DNAH17: variants seen among roughly 807,000 people sequenced by gnomAD.
DNAH17 encodes the protein axonemal beta dynein heavy chain 17.
A neutral mutation model predicts 485.6 loss-of-function variants in DNAH17; 376 were observed. The observed-to-expected ratio is 0.77, with a 90% CI of 0.71 to 0.84. The LOEUF (loss-of-function observed/expected upper bound fraction) is 0.84. Among genes scored for constraint, DNAH17 ranks in the 40% least tolerant of loss-of-function variants. The pLI is 0.00. For missense variants in DNAH17, 6,370 were observed against 5,839.3 expected (o/e 1.09, Z -2.96); for synonymous variants, 3,031 against 2,405.9 (o/e 1.26, Z -7.60).
chr17:78,455,860 A>C, intron 62 of DNAH17, 24 bp from the exon 63 acceptor site: 1 of 1,557,454 alleles, frequency 6.4e-7, no homozygotes, highest in East Asian at 2.3e-5. Flanking sequence ...AGAGAGAATA[A>C]AACATATTTG....
chr17:78,494,347 C>T (rs189779084), intron 40 of DNAH17, 174 bp from the exon 41 acceptor site: 666 of 1,107,330 alleles, frequency 6.0e-4, no homozygotes, highest in Non-Finnish European at 7.4e-4. Context: ...ATAGCTCCAC[C>T]GCGACCTCAT....
chr17:78,543,613 C>T, intron 17 of DNAH17: 2 of 559,850 alleles, frequency 3.6e-6, no homozygotes, highest in South Asian at 2.0e-5. Context: ...TTAGTAAAGG[C>T]AGGGTTTCAC....
intron 56 of DNAH17, among the ~76,000 whole-genome samples, chr17:78,464,263 GTTTT>G (rs2088299738): frequency 6.6e-6 from 1 of 152,112 alleles, no homozygotes; most frequent in South Asian, 2.1e-4. Context: ...ATCTTTCACT[GTTTT>G]TTGTTTTTTT....
rs199692490 is a variant in DNAH17 at position 78,434,124 on chromosome 17, C to T, written c.12130G>A (p.Gly4044Ser). ...TACGACCGGTTCCAGCCCTGGGCGC[C>T]GAACTTGCGCCTCTCTGCCACCACA... ...HAVVAERRKF[G>S]AQGWNRSYPF... Residue 4044 changes from glycine (G) to serine (S), a missense_variant, in exon 75 of 81, where the codon GGC becomes AGC. Gly to Ser is a moderately conservative substitution (Grantham distance 56). Transcript: ENST00000389840. 354 of 1,613,648 alleles carry T rather than the reference C, an allele frequency of 2.2e-4. 4 individuals carry two copies. Among genetic ancestry groups the T allele is most frequent in the South Asian group, 1.5e-3 (139 of 91,082 alleles).
At chr17:78,438,298 C>T (rs992282423) in intron 73 of DNAH17, among the ~76,000 whole-genome samples, 11 of 149,448 alleles carry the variant, frequency 7.4e-5, no homozygotes, top group Admixed American at 3.4e-4. Context: ...CGAGGACAAG[C>T]GGTAGTGAGA....
chr17:78,493,872 G>GGCC, intron 41 of DNAH17, 164 bp downstream of exon 41: 1 of 1,007,100 alleles, frequency 9.9e-7, no homozygotes, highest in Non-Finnish European at 1.4e-6. Context: ...CCTCCTCCTC[G>GGCC]GCCCCCAGCT....
rs925989759 is a variant in DNAH17, at chr17:78,479,728, G to A, written c.7753-96C>T. The stretch of plus-strand genomic sequence containing the variant: ...GCGGGAGAGTGGCCCCTGTCCTCAT[G>A]TTCTAAGGTCTTTTGGGCATTGTCA... On this transcript the variant is annotated intron_variant, in intron 49 of 80. Coordinates refer to ENST00000389840, the MANE Select transcript of DNAH17 (RefSeq NM_173628.4). 3.3e-6 allele frequency: 5 copies of A among 1,529,986 alleles called. No individual in the cohort carries two copies. The East Asian group carries it at 1.2e-4, about 35-fold the overall frequency. The allele number at this position is 1,529,986 out of a possible 1,614,324, so 94.8% of individuals were successfully genotyped here.
chr17:78,571,184 G>T, intron 5 of DNAH17, 95 bp downstream of exon 5: 1 of 1,317,746 alleles, frequency 7.6e-7, no homozygotes, highest in East Asian at 2.5e-5. Context: ...CGCAGAGGGA[G>T]GCCAACATCC....
chr17:78,466,624 C>T (rs2088472546), intron 56 of DNAH17, 31 bp downstream of exon 56: 1 of 1,583,380 alleles, frequency 6.3e-7, no homozygotes, highest in Non-Finnish European at 8.6e-7. Context: ...CTGGGCTCTA[C>T]ACTCAGGCAG....
intron 37 of DNAH17, among the ~76,000 whole-genome samples, chr17:78,498,517 C>T (rs1359800125): frequency 1.3e-5 from 2 of 152,194 alleles, no homozygotes; most frequent in Non-Finnish European, 2.9e-5. Context: ...GGGCGCTGGC[C>T]CAGGCTGCTC....
intron 16 of DNAH17, among the ~76,000 whole-genome samples, chr17:78,545,407 G>A (rs185777121): frequency 3.3e-5 from 5 of 152,274 alleles, no homozygotes; most frequent in South Asian, 2.1e-4. Flanking sequence ...AGGTTTAGAG[G>A]TTAGAAATCT....
chr17:78,473,141 C>G (rs947124170), intron 54 of DNAH17, among the ~76,000 whole-genome samples: 1 of 152,206 alleles, frequency 6.6e-6, no homozygotes, highest in African/African-American at 2.4e-5. Context: ...ACCATTAGAA[C>G]GATAATCATG....
intron 26 of DNAH17, 76 bp downstream of exon 26, chr17:78,514,698 C>T: frequency 6.5e-7 from 1 of 1,533,544 alleles, no homozygotes; most frequent in African/African-American, 1.4e-5. Context: ...CTTGGCTAGG[C>T]AGCTCAGGCC....
At chr17:78,510,313 T>A in intron 27 of DNAH17, 71 bp downstream of exon 27, 1 of 1,586,286 alleles carries the variant, frequency 6.3e-7, no homozygotes, top group Non-Finnish European at 8.6e-7. Context: ...CTCTGGGCGC[T>A]CTCAGTGGTT....
chr17:78,454,719 C>T lies in DNAH17; in HGVS notation c.10171-14G>A. On this transcript the variant is annotated splice_polypyrimidine_tract_variant and intron_variant, in intron 63 of 80. Transcript: ENST00000389840. ...CGGGATGGGGACCTGCCCAGGGAGG[C>T]ACACTTTCTTAGAGGGGGTAATGCG... 6.2e-7 allele frequency: 1 copy of T among 1,605,298 alleles called. No individual in the cohort carries two copies. The highest frequency in any genetic ancestry group is 2.2e-5 in the East Asian group (1 of 44,814).
chr17:78,522,148 G>A (rs1210091564), intron 25 of DNAH17: 1 of 157,684 alleles, frequency 6.3e-6, no homozygotes, highest in Non-Finnish European at 1.4e-5. Context: ...AAAAAACTTA[G>A]TTTTGGTTGC....
intron 71 of DNAH17, among the ~76,000 whole-genome samples, chr17:78,442,552 C>G (rs532988414): frequency 6.6e-5 from 10 of 152,142 alleles, no homozygotes; most frequent in African/African-American, 2.4e-4. Flanking sequence ...AGGAATGACT[C>G]TAGATCACCT....
chr17:78,571,701 C>T lies in DNAH17; in HGVS notation c.621G>A (p.Val207=), dbSNP rs61743539. ...GCGCCTGGGCTGAGTCTTTGCTCAG[C>T]ACATCCCGGATCTGGTGGGACCAGT... ...IIDWSHQIRD[V]LSKDSAQALL... The change falls in exon 4 of 81, where the codon GTG becomes GTA. Residue 207 remains valine, a synonymous_variant. Coordinates refer to ENST00000389840, the MANE Select transcript of DNAH17 (RefSeq NM_173628.4). 1.9e-6 allele frequency: 3 copies of T among 1,613,784 alleles called. No individual in the cohort carries two copies. The African/African-American group carries it at 4.0e-5, about 22-fold the overall frequency.
At position 78,459,221 on chromosome 17, in the gene DNAH17, C is replaced by A; in HGVS notation, c.9654-13G>T. The A allele has an allele frequency of 1.9e-6, 3 of 1,613,014 alleles. No individual in the cohort carries two copies. In the South Asian group the frequency reaches 3.3e-5, roughly 18 times the overall value. Reference sequence around the variant, plus strand: ...GCCTTGGTAGGGCCTAGCGAGGGAACCAGAGGGCCGGAGTCGTCACCCTGT... The same window carrying A: ...GCCTTGGTAGGGCCTAGCGAGGGAAACAGAGGGCCGGAGTCGTCACCCTGT... On this transcript the variant is annotated splice_polypyrimidine_tract_variant and intron_variant, in intron 60 of 80. Transcript: ENST00000389840.
Sources: allele counts gnomAD v4.1 joint callset (sites outside exome capture counted in the v4.1 genomes callset), GRCh38; gene constraint gnomAD v4.1.1; transcripts MANE v1.5; gene names NCBI Gene and HGNC (gene_info 2026-07-23, HGNC 2026-07-21).